LPCAT1: variants seen among roughly 807,000 people sequenced by gnomAD.
LPCAT1 encodes the protein lysophosphatidylcholine acyltransferase 1.
LPCAT1 carries 23 observed loss-of-function variants against 60.9 expected under a neutral mutation model. The observed-to-expected ratio is 0.38, with a 90% CI of 0.27 to 0.53. LPCAT1 has a LOEUF of 0.53. Among genes scored for constraint, LPCAT1 ranks in the 20% least tolerant of loss-of-function variants. LPCAT1 has a pLI of 0.82. For missense variants in LPCAT1, 622 were observed against 723.6 expected (o/e 0.86, Z 1.61); for synonymous variants, 340 against 301.1 (o/e 1.13, Z -1.34).
intron 1 of LPCAT1, among the ~76,000 whole-genome samples, chr5:1,511,845 G>A (rs1736365124): frequency 6.6e-6 from 1 of 152,214 alleles, no homozygotes; most frequent in South Asian, 2.1e-4. Flanking sequence ...ATCGTCCTCT[G>A]CTCCCAGATG....
At chr5:1,500,020 C>T (rs1008453077) in intron 2 of LPCAT1, among the ~76,000 whole-genome samples, 4 of 152,258 alleles carry the variant, frequency 2.6e-5, no homozygotes, top group African/African-American at 7.2e-5. Flanking sequence ...TACAGCCACA[C>T]GGCCTCTGTC....
rs1735726517 is a variant in LPCAT1 at position 1,494,895 on chromosome 5, T to TA, written c.297_298insT (p.Lys100Ter). 1 of 1,611,160 alleles carries TA rather than the reference T, an allele frequency of 6.2e-7. No individual in the cohort carries two copies. Among genetic ancestry groups the TA allele is most frequent in the African/African-American group, 1.3e-5 (1 of 74,848 alleles). On this transcript the variant is annotated frameshift_variant, in exon 3 of 14. Coordinates refer to ENST00000283415, the MANE Select transcript of LPCAT1 (RefSeq NM_024830.5). LOFTEE classifies it high-confidence loss of function. ...AACCACATGGTGCGCATGATGGCCT[T>TA]CAGCAGGAAGTCCACAACCCTGCAA...
Position 1,474,409 on chromosome 5 carries a change from A to C in LPCAT1, c.1025+151T>G, listed in dbSNP as rs997213944. 20 of 1,159,312 alleles carry C rather than the reference A, an allele frequency of 1.7e-5. No homozygotes were observed. In the African/African-American group the frequency reaches 2.7e-4, roughly 15 times the overall value. 71.8% of individuals were successfully genotyped at this position (1,159,312 alleles called of 1,614,324 possible). ...TGCCAGCATTAAGGGATTGAAAGACACTATGTGGGCTTAAGTTGATATTTG... is the reference window on the plus strand; with the variant it reads ...TGCCAGCATTAAGGGATTGAAAGACCCTATGTGGGCTTAAGTTGATATTTG... On this transcript the variant is annotated intron_variant, in intron 10 of 13. Coordinates refer to ENST00000283415, the MANE Select transcript of LPCAT1 (RefSeq NM_024830.5).
rs1244388695 is a variant in LPCAT1 at position 1,481,837 on chromosome 5, C to T, written c.727-861G>A. Among the ~76,000 whole-genome samples, 8 of 152,244 alleles carry T rather than the reference C, an allele frequency of 5.3e-5. No homozygotes were observed. Among genetic ancestry groups the T allele is most frequent in the African/African-American group, 1.9e-4 (8 of 41,464 alleles). On this transcript the variant is annotated intron_variant, in intron 6 of 13. Coordinates refer to ENST00000283415, the MANE Select transcript of LPCAT1 (RefSeq NM_024830.5). This position sits in a 1 kb window ranked among gnomAD's most constrained non-coding sequence, Gnocchi z 7.8. ...AGGAAGAGGTCTTTCAGTCGTGTGA[C>T]TACCGGCCCTGACTCCATTTTATTA...
In LPCAT1 at chr5:1,480,852, A is replaced by G. The variant is rs1735110011; in HGVS notation, c.761+90T>C. On this transcript the variant is annotated intron_variant, in intron 7 of 13. Transcript: ENST00000283415. This position sits in a 1 kb window ranked among gnomAD's most constrained non-coding sequence, Gnocchi z 6.4. ...TCCCACACCTGCTTTCACAACTGCAAAAGTAACTAGCGTGCACAGCAGACC... is the reference window on the plus strand; with the variant it reads ...TCCCACACCTGCTTTCACAACTGCAGAAGTAACTAGCGTGCACAGCAGACC... 5 of 1,501,788 alleles carry G rather than the reference A, an allele frequency of 3.3e-6. No homozygotes were observed. The highest frequency in any genetic ancestry group is 3.7e-6 in the Non-Finnish European group (4 of 1,078,920). 93.0% of individuals were successfully genotyped at this position (1,501,788 alleles called of 1,614,324 possible).
chr5:1,493,704 T>C (rs1247429667), intron 3 of LPCAT1, among the ~76,000 whole-genome samples: 1 of 152,206 alleles, frequency 6.6e-6, no homozygotes, highest in African/African-American at 2.4e-5. Flanking sequence ...GGGTCAGGGC[T>C]GCGCACAGGT....
intron 12 of LPCAT1, 192 bp from the exon 13 acceptor site, chr5:1,467,082 C>T (rs973820358): frequency 1.0e-5 from 5 of 476,834 alleles, no homozygotes; most frequent in Non-Finnish European, 1.3e-5. Flanking sequence ...TGGATCTGGC[C>T]CCCTCCAGGT....
chr5:1,494,004 C>T (rs1381239725), intron 3 of LPCAT1, among the ~76,000 whole-genome samples: 1 of 152,230 alleles, frequency 6.6e-6, no homozygotes, highest in East Asian at 1.9e-4. Context: ...GAGGAAGAGG[C>T]AGGAAGGGGC....
rs181650664 is a variant in LPCAT1 at position 1,469,980 on chromosome 5, C to A, written c.1278+846G>T. ...AGTTCATCCTGCCTGGGGAGACCCC[C>A]ACAAGCCACCTTTTCATGTGGGGAC... is the stretch of plus-strand genomic sequence containing the variant. On this transcript the variant is annotated intron_variant, in intron 12 of 13. Transcript: ENST00000283415. Among the ~76,000 whole-genome samples the A allele has an allele frequency of 1.9e-3, 285 of 152,302 alleles. 1 individual carries two copies. The highest frequency in any genetic ancestry group is 6.5e-3 in the African/African-American group (271 of 41,570).
chr5:1,477,784 C>T lies in LPCAT1; in HGVS notation c.817-298G>A, dbSNP rs1734983249. Among the ~76,000 whole-genome samples the T allele has an allele frequency of 2.1e-5, 3 of 142,080 alleles. No individual in the cohort carries two copies. Among genetic ancestry groups the T allele is most frequent in the Middle Eastern group, 7.4e-3 (2 of 272 alleles). 93.2% of individuals were successfully genotyped at this position (142,080 alleles called of 152,430 possible). On this transcript the variant is annotated intron_variant, in intron 8 of 13. Coordinates refer to ENST00000283415, the MANE Select transcript of LPCAT1 (RefSeq NM_024830.5). The surrounding 1 kb of genome is among the most constrained non-coding windows in gnomAD (Gnocchi z 6.0). ...TCACCCCCGTCAGTGCTCCTGGGAG[C>T]GCCTGCTGCCTACATCAGAACATCT...
chr5:1,488,306 T>A, intron 5 of LPCAT1, 85 bp downstream of exon 5: 1 of 827,946 alleles, frequency 1.2e-6, no homozygotes, highest in East Asian at 2.5e-5. Flanking sequence ...ACTGTTCTTA[T>A]GTGCACAGCA....
chr5:1,477,638 G>A lies in LPCAT1; in HGVS notation c.817-152C>T, dbSNP rs974854291. 7.4e-5 allele frequency: 44 copies of A among 598,168 alleles called. 1 individual carries two copies. The highest frequency in any genetic ancestry group is 5.2e-4 in the South Asian group (27 of 51,518). 37.1% of individuals were successfully genotyped at this position (598,168 alleles called of 1,614,324 possible). On this transcript the variant is annotated intron_variant, in intron 8 of 13. Coordinates refer to ENST00000283415, the MANE Select transcript of LPCAT1 (RefSeq NM_024830.5). This position sits in a 1 kb window ranked among gnomAD's most constrained non-coding sequence, Gnocchi z 6.0. The stretch of plus-strand genomic sequence containing the variant: ...AGTTGTCATGTGCACGTGTGTGTAC[G>A]CACACACACACCCCCATGATGCATG...
intron 1 of LPCAT1, among the ~76,000 whole-genome samples, chr5:1,511,546 A>C (rs1193812980): frequency 6.7e-6 from 1 of 148,326 alleles, no homozygotes; most frequent in African/African-American, 2.5e-5. Flanking sequence ...CGCTCACCCT[A>C]CTTGGGGATG....
rs958429362 is a variant in LPCAT1, at chr5:1,483,649, C to T, written c.668-163G>A. Among the ~76,000 whole-genome samples the T allele has an allele frequency of 1.3e-5, 2 of 152,204 alleles. No individual in the cohort carries two copies. Among genetic ancestry groups the T allele is most frequent in the East Asian group, 1.9e-4 (1 of 5,182 alleles). ...GGACTATCTCAACATCTGTCCTGAC[C>T]GTAAACACCCAGCGCCACAGCACGG... On this transcript the variant is annotated intron_variant, in intron 5 of 13. Coordinates refer to ENST00000283415, the MANE Select transcript of LPCAT1 (RefSeq NM_024830.5). This position sits in a 1 kb window ranked among gnomAD's most constrained non-coding sequence, Gnocchi z 9.2.
intron 9 of LPCAT1, 55 bp from the exon 10 acceptor site, chr5:1,474,740 C>A: frequency 6.4e-7 from 1 of 1,565,644 alleles, no homozygotes; most frequent in East Asian, 2.3e-5. Context: ...CAGTTCCCAC[C>A]GCCCCACCAG....
Position 1,502,512 on chromosome 5 carries a change from T to G in LPCAT1, c.136-909A>C, listed in dbSNP as rs1007336833. 6.6e-6 allele frequency among the ~76,000 whole-genome samples: 1 copy of G among 151,888 alleles called. No homozygotes were observed. The highest frequency in any genetic ancestry group is 2.4e-5 in the African/African-American group (1 of 41,340). On this transcript the variant is annotated intron_variant, in intron 1 of 13. Coordinates refer to ENST00000283415, the MANE Select transcript of LPCAT1 (RefSeq NM_024830.5). This position sits in a 1 kb window ranked among gnomAD's most constrained non-coding sequence, Gnocchi z 5.5. ...GGGAGGGCAGGGGCGCAGGTCAATATGGGGGCTCAGGAAGGCCCCCCAAGC... is the reference window on the plus strand; with the variant it reads ...GGGAGGGCAGGGGCGCAGGTCAATAGGGGGGCTCAGGAAGGCCCCCCAAGC...
intron 4 of LPCAT1, 66 bp downstream of exon 4, chr5:1,489,680 C>T (rs2126549640): frequency 1.7e-6 from 2 of 1,184,482 alleles, no homozygotes; most frequent in East Asian, 4.7e-5. Flanking sequence ...TTCTTTCTCC[C>T]CACTCGCGAA....
rs752381395 is a variant in LPCAT1 at position 1,466,800 on chromosome 5, T to C, written c.1369A>G (p.Thr457Ala). ...TGGTCAATGGCTCGGAATAGGTCGG[T>C]CACGGTGAGCTCTGCCACCCCCAGG... ...TALGVAELTV[T>A]DLFRAIDQEE... The change falls in exon 13 of 14, where the codon ACC becomes GCC. Residue 457 changes from threonine (T) to alanine (A), a missense_variant. Coordinates refer to ENST00000283415, the MANE Select transcript of LPCAT1 (RefSeq NM_024830.5). The C allele has an allele frequency of 6.2e-7, 1 of 1,613,230 alleles. No individual in the cohort carries two copies. The highest frequency in any genetic ancestry group is 1.7e-5 in the Admixed American group (1 of 59,936).
chr5:1,515,327 C>T (rs1231247050), intron 1 of LPCAT1, among the ~76,000 whole-genome samples: 3 of 152,042 alleles, frequency 2.0e-5, no homozygotes, highest in Admixed American at 6.5e-5. Context: ...CTTCCTACTC[C>T]GAACTGGCTG....
Sources: allele counts gnomAD v4.1 joint callset (sites outside exome capture counted in the v4.1 genomes callset), GRCh38; gene constraint gnomAD v4.1.1; non-coding constraint Gnocchi (gnomAD v3.1); transcripts MANE v1.5; gene names NCBI Gene and HGNC (gene_info 2026-07-23, HGNC 2026-07-21).